The following ST6GALNAC3 variants were observed in gnomAD, a reference collection of about 807,000 sequenced individuals.
ST6GALNAC3 encodes the protein alpha-N-acetylgalactosaminide alpha-2,6-sialyltransferase 3.
A neutral mutation model predicts 32.7 loss-of-function variants in ST6GALNAC3; 25 were observed. That is an observed-to-expected ratio of 0.76 (90% CI 0.56 to 1.07). ST6GALNAC3 has a LOEUF of 1.07. Ranked by LOEUF, ST6GALNAC3 falls within the 50% of genes least tolerant of loss-of-function variation. The pLI is 0.00. For synonymous variants in ST6GALNAC3, 129 were observed against 133.1 expected (o/e 0.97, Z 0.21); for missense variants, 355 against 382.4 (o/e 0.93, Z 0.60).
chr1:76,158,381 C>T (rs532778156), intron 1 of ST6GALNAC3, among the ~76,000 whole-genome samples: 1 of 152,268 alleles, frequency 6.6e-6, no homozygotes, highest in South Asian at 2.1e-4. Context: ...TCTAGCCTAG[C>T]GATTTGAAAC....
At chr1:76,391,544 CT>C (rs1652556278) in intron 2 of ST6GALNAC3, among the ~76,000 whole-genome samples, 1 of 149,598 alleles carries the variant, frequency 6.7e-6, no homozygotes, top group Non-Finnish European at 1.5e-5. Context: ...TCCTTCCTTC[CT>C]TCCTTCCTTC....
intron 1 of ST6GALNAC3, among the ~76,000 whole-genome samples, chr1:76,292,004 G>A (rs762692526): frequency 6.6e-6 from 1 of 152,212 alleles, no homozygotes; most frequent in African/African-American, 2.4e-5. Context: ...TGAATAAGCC[G>A]TGTTACTGGG....
intron 1 of ST6GALNAC3, among the ~76,000 whole-genome samples, chr1:76,109,085 G>C (rs1455172464): frequency 6.6e-6 from 1 of 152,086 alleles, no homozygotes; most frequent in Non-Finnish European, 1.5e-5. Context: ...TTCCTGGGAG[G>C]AATCTTACAT....
intron 3 of ST6GALNAC3, among the ~76,000 whole-genome samples, chr1:76,562,133 T>C (rs184425168): frequency 6.6e-6 from 1 of 152,264 alleles, no homozygotes; most frequent in African/African-American, 2.4e-5. Context: ...ATGGGGACAG[T>C]GTTTCTCCTT....
At chr1:76,434,341 C>T (rs1655979866) in intron 3 of ST6GALNAC3, among the ~76,000 whole-genome samples, 1 of 152,164 alleles carries the variant, frequency 6.6e-6, no homozygotes, top group African/African-American at 2.4e-5. Context: ...TGACTATAAA[C>T]TGTCATGTTT....
intron 3 of ST6GALNAC3, among the ~76,000 whole-genome samples, chr1:76,469,301 T>A (rs1658863717): frequency 6.6e-6 from 1 of 152,030 alleles, no homozygotes; most frequent in African/African-American, 2.4e-5. Flanking sequence ...CCTTGTGGAT[T>A]TGAGGGACGA....
At chr1:76,376,747 T>C (rs1262491317) in intron 2 of ST6GALNAC3, among the ~76,000 whole-genome samples, 1 of 152,248 alleles carries the variant, frequency 6.6e-6, no homozygotes, top group African/African-American at 2.4e-5. Context: ...ATTATTGATA[T>C]GCTAGGGCTT....
chr1:76,180,036 A>G (rs1254137385), intron 1 of ST6GALNAC3, among the ~76,000 whole-genome samples: 1 of 152,102 alleles, frequency 6.6e-6, no homozygotes, highest in East Asian at 1.9e-4. Context: ...CATTCCACTA[A>G]TTTATTTTAT....
At chr1:76,100,749 G>A (rs1020558550) in intron 1 of ST6GALNAC3, among the ~76,000 whole-genome samples, 1 of 149,276 alleles carries the variant, frequency 6.7e-6, no homozygotes, top group African/African-American at 2.5e-5. Flanking sequence ...GATCAGTATT[G>A]TTTTTTCTTT....
At chr1:76,359,537 C>T (rs1649760866) in intron 2 of ST6GALNAC3, among the ~76,000 whole-genome samples, 1 of 152,280 alleles carries the variant, frequency 6.6e-6, no homozygotes, top group Middle Eastern at 3.4e-3. Flanking sequence ...AGATTCTTCC[C>T]TAGTACCTTC....
intron 1 of ST6GALNAC3, among the ~76,000 whole-genome samples, chr1:76,162,687 T>A (rs1233091582): frequency 1.3e-5 from 2 of 152,092 alleles, no homozygotes; most frequent in Non-Finnish European, 2.9e-5. Context: ...CCCAGCTGGG[T>A]CTAATGGATG....
intron 1 of ST6GALNAC3, among the ~76,000 whole-genome samples, chr1:76,199,496 T>A (rs1654402002): frequency 1.3e-5 from 2 of 152,248 alleles, no homozygotes; most frequent in Non-Finnish European, 2.9e-5. Context: ...AGGGTTATGA[T>A]GTCATGTAAC....
rs114840511 is a variant in ST6GALNAC3 at position 76,337,389 on chromosome 1, C to G, written c.213+23390C>G. 9.4e-3 allele frequency among the ~76,000 whole-genome samples: 1,425 copies of G among 152,282 alleles called. 22 individuals carry two copies. The highest frequency in any genetic ancestry group is 0.033 in the African/African-American group (1,363 of 41,558). On this transcript the variant is annotated intron_variant, in intron 2 of 4. Transcript: ENST00000328299. ...AAGATTAGAGTGGCACAGAAATAGT[C>G]GGGAAATTACCCTTTCCATTGGGCT...
At chr1:76,587,200 G>A (rs947588802) in intron 3 of ST6GALNAC3, among the ~76,000 whole-genome samples, 1 of 152,164 alleles carries the variant, frequency 6.6e-6, no homozygotes, top group Admixed American at 6.5e-5. Flanking sequence ...TAAATGAGAG[G>A]AGACAAGGAA....
intron 2 of ST6GALNAC3, among the ~76,000 whole-genome samples, chr1:76,384,247 G>A (rs1651928827): frequency 6.6e-6 from 1 of 152,014 alleles, no homozygotes; most frequent in African/African-American, 2.4e-5. Flanking sequence ...CAGCTGTACT[G>A]ATATTAGGCA....
chr1:76,218,231 G>A (rs1194326976), intron 1 of ST6GALNAC3, among the ~76,000 whole-genome samples: 2 of 152,026 alleles, frequency 1.3e-5, no homozygotes, highest in African/African-American at 4.8e-5. Context: ...ACTTTGAATA[G>A]ACTATCAAAG....
intron 1 of ST6GALNAC3, among the ~76,000 whole-genome samples, chr1:76,147,492 C>G (rs1262462213): frequency 6.6e-6 from 1 of 152,204 alleles, no homozygotes; most frequent in African/African-American, 2.4e-5. Flanking sequence ...AACTTGCAAT[C>G]AATCTTCCCC....
At chr1:76,572,125 T>C (rs1236871073) in intron 3 of ST6GALNAC3, among the ~76,000 whole-genome samples, 1 of 151,870 alleles carries the variant, frequency 6.6e-6, no homozygotes, top group Non-Finnish European at 1.5e-5. Context: ...TTTTTTTTCC[T>C]CTTTTTTTGG....
chr1:76,475,235 A>G (rs1411988805), intron 3 of ST6GALNAC3, among the ~76,000 whole-genome samples: 3 of 152,196 alleles, frequency 2.0e-5, no homozygotes, highest in Non-Finnish European at 1.5e-5. Context: ...GCTACAGTGT[A>G]GTGTAGCGGC....
Sources: allele counts gnomAD v4.1 joint callset (sites outside exome capture counted in the v4.1 genomes callset), GRCh38; gene constraint gnomAD v4.1.1; transcripts MANE v1.5; gene names NCBI Gene and HGNC (gene_info 2026-07-23, HGNC 2026-07-21).